ADAMTSL1: variants seen among roughly 807,000 people sequenced by gnomAD.
The protein encoded by ADAMTSL1 is ADAMTS like 1, also known as ADAMTS-like protein 1.
Under a neutral mutation model 201.8 loss-of-function variants are expected in ADAMTSL1, and 126 were observed. That is an observed-to-expected ratio of 0.62 (90% confidence interval 0.54 to 0.72). The LOEUF (loss-of-function observed/expected upper bound fraction) is 0.72, where lower values mean the gene tolerates loss of function less well. ADAMTSL1 is among the 30% of genes least tolerant of loss of function. The pLI is 0.00. For synonymous variants in ADAMTSL1, 1,121 were observed against 903.4 expected (o/e 1.24, Z -4.32); for missense variants, 2,679 against 2,277.8 (o/e 1.18, Z -3.59).
chr9:18,776,767 C>T lies in ADAMTSL1; in HGVS notation c.2552-14C>T, dbSNP rs541124744. ...ACCTCTTTCTCTGTCCCTTCGGGTT[C>T]GCTCTCCTTCCAGGGCCCGGGCGGC... On this transcript the variant is annotated splice_polypyrimidine_tract_variant and intron_variant, in intron 18 of 28. Transcript: ENST00000380548. 4 of 1,534,056 alleles carry T rather than the reference C, an allele frequency of 2.6e-6. No individual in the cohort carries two copies. In the South Asian group the frequency reaches 3.7e-5, roughly 14 times the overall value.
At chr9:18,818,027 A>G (rs971133616) in intron 21 of ADAMTSL1, among the ~76,000 whole-genome samples, 4 of 152,204 alleles carry the variant, frequency 2.6e-5, no homozygotes, top group African/African-American at 9.7e-5. Flanking sequence ...GGGTGGTAAT[A>G]TGCTCTGTAT....
intron 23 of ADAMTSL1, among the ~76,000 whole-genome samples, chr9:18,848,416 T>G (rs1826269751): frequency 6.6e-6 from 1 of 152,212 alleles, no homozygotes; most frequent in Admixed American, 6.5e-5. Flanking sequence ...CATTCAAGGT[T>G]CTTTGCTATT....
At chr9:18,049,865 T>C (rs1485638186) in intron 1 of ADAMTSL1, among the ~76,000 whole-genome samples, 1 of 152,178 alleles carries the variant, frequency 6.6e-6, no homozygotes, top group Non-Finnish European at 1.5e-5. Flanking sequence ...CCTCGTGATC[T>C]GCCTGCTTCG....
chr9:17,998,614 T>C (rs760230137), intron 1 of ADAMTSL1, among the ~76,000 whole-genome samples: 2 of 152,024 alleles, frequency 1.3e-5, no homozygotes, highest in Non-Finnish European at 2.9e-5. Context: ...AATAATCTGA[T>C]GTTATGAAGT....
chr9:18,634,902 T>C (rs1022524056), intron 5 of ADAMTSL1, among the ~76,000 whole-genome samples: 2 of 114,668 alleles, frequency 1.7e-5, no homozygotes, highest in African/African-American at 7.9e-5. Context: ...TATGTAAATA[T>C]ATATTTAATA....
At chr9:18,478,711 G>T (rs964870524) in intron 1 of ADAMTSL1, among the ~76,000 whole-genome samples, 2 of 152,076 alleles carry the variant, frequency 1.3e-5, no homozygotes, top group Non-Finnish European at 1.5e-5. Context: ...TGACCTCTTC[G>T]TAGCATAAGG....
intron 2 of ADAMTSL1, among the ~76,000 whole-genome samples, chr9:18,281,366 A>G (rs1832780632): frequency 6.6e-6 from 1 of 152,024 alleles, no homozygotes; most frequent in Non-Finnish European, 1.5e-5. Flanking sequence ...CAGACACCGC[A>G]CTCACCAGAC....
At chr9:17,928,605 T>C (rs1294926420) in intron 1 of ADAMTSL1, among the ~76,000 whole-genome samples, 3 of 151,996 alleles carry the variant, frequency 2.0e-5, no homozygotes, top group Admixed American at 6.6e-5. Context: ...TCCAGGAGCA[T>C]GACAAAAAGA....
intron 15 of ADAMTSL1, among the ~76,000 whole-genome samples, chr9:18,752,534 G>A (rs935569527): frequency 6.6e-6 from 1 of 152,202 alleles, no homozygotes. Flanking sequence ...CAGTTTGTAG[G>A]CTGCATCAGC....
chr9:18,250,752 T>C (rs1831433194), intron 2 of ADAMTSL1, among the ~76,000 whole-genome samples: 1 of 152,104 alleles, frequency 6.6e-6, no homozygotes, highest in South Asian at 2.1e-4. Flanking sequence ...GGGGATACAG[T>C]GGCGGTTTTC....
intron 2 of ADAMTSL1, among the ~76,000 whole-genome samples, chr9:18,206,128 G>A (rs1829639724): frequency 6.8e-6 from 1 of 146,136 alleles, no homozygotes; most frequent in Non-Finnish European, 1.5e-5. Context: ...TTCCCATCAT[G>A]AGTTTTATGT....
chr9:18,074,471 GTTTTC>G (rs66552520), intron 1 of ADAMTSL1, among the ~76,000 whole-genome samples: 6,591 of 126,830 alleles, frequency 0.052, 295 homozygotes, highest in East Asian at 0.29. Context: ...ACCACACTGT[GTTTTC>G]TTTTCTTTTC....
intron 1 of ADAMTSL1, among the ~76,000 whole-genome samples, chr9:18,059,340 T>C (rs1822345053): frequency 6.6e-6 from 1 of 152,208 alleles, no homozygotes; most frequent in Non-Finnish European, 1.5e-5. Flanking sequence ...TTAAGATAAA[T>C]CGAGTATCAT....
intron 1 of ADAMTSL1, among the ~76,000 whole-genome samples, chr9:18,475,891 G>A (rs1280862119): frequency 2.0e-5 from 3 of 151,930 alleles, no homozygotes; most frequent in South Asian, 2.1e-4. Flanking sequence ...GGAATAGATT[G>A]TTTTGCTATC....
At chr9:18,277,708 C>T (rs2132612382) in intron 2 of ADAMTSL1, among the ~76,000 whole-genome samples, 1 of 152,176 alleles carries the variant, frequency 6.6e-6, no homozygotes, top group African/African-American at 2.4e-5. Context: ...ACAGTTAGAA[C>T]TTTTTTCAGT....
At chr9:18,314,101 T>C (rs1834264401) in intron 2 of ADAMTSL1, among the ~76,000 whole-genome samples, 2 of 152,060 alleles carry the variant, frequency 1.3e-5, no homozygotes, top group Non-Finnish European at 2.9e-5. Flanking sequence ...CTATAATCAG[T>C]AGGGAAGTGC....
chr9:18,217,035 G>A (rs1241960904), intron 2 of ADAMTSL1, among the ~76,000 whole-genome samples: 1 of 152,124 alleles, frequency 6.6e-6, no homozygotes, highest in African/African-American at 2.4e-5. Context: ...GTCAAGTAGA[G>A]AATAAAGGAC....
intron 1 of ADAMTSL1, among the ~76,000 whole-genome samples, chr9:18,160,042 C>G (rs1037174056): frequency 6.6e-6 from 1 of 152,024 alleles, no homozygotes; most frequent in East Asian, 1.9e-4. Context: ...ATTGATCAAT[C>G]AGTCCCATTC....
chr9:18,210,409 T>C (rs1459540997), intron 2 of ADAMTSL1, among the ~76,000 whole-genome samples: 2 of 145,530 alleles, frequency 1.4e-5, no homozygotes, highest in African/African-American at 5.0e-5. Context: ...TATATTATTA[T>C]ATATGATATA....
Sources: allele counts gnomAD v4.1 joint callset (sites outside exome capture counted in the v4.1 genomes callset), GRCh38; gene constraint gnomAD v4.1.1; transcripts MANE v1.5; gene names NCBI Gene and HGNC (gene_info 2026-07-23, HGNC 2026-07-21).